The following ABCA12 variants were observed in gnomAD, a reference collection of about 807,000 sequenced individuals.
ABCA12 encodes ATP binding cassette subfamily A member 12, also known as glucosylceramide transporter ABCA12.
A neutral mutation model predicts 293.5 loss-of-function variants in ABCA12; 156 were observed. The observed-to-expected ratio is 0.53, with a 90% CI of 0.47 to 0.61. The LOEUF is 0.61. ABCA12 is among the 20% of genes least tolerant of loss of function. The probability of loss-of-function intolerance (pLI) is 0.00; values close to 1 mark genes in which losing one functional copy is unlikely to be tolerated. For synonymous variants in ABCA12, 1,063 were observed against 1,108.0 expected (o/e 0.96, Z 0.81); for missense variants, 2,797 against 3,090.2 (o/e 0.91, Z 2.25).
At chr2:215,095,130 C>T (rs568495892) in intron 2 of ABCA12, among the ~76,000 whole-genome samples, 3 of 152,224 alleles carry the variant, frequency 2.0e-5, no homozygotes, top group East Asian at 3.9e-4. Flanking sequence ...CAGGAATAGG[C>T]CTTGACTTAC....
intron 15 of ABCA12, among the ~76,000 whole-genome samples, chr2:215,014,160 G>T (rs1700438431): frequency 7.3e-6 from 1 of 136,144 alleles, no homozygotes; most frequent in Admixed American, 7.9e-5. Flanking sequence ...CAGTCTGGGT[G>T]GCAGAGAAAG....
chr2:214,957,729 A>G lies in ABCA12; in HGVS notation c.6117+548T>C, dbSNP rs968231726. On this transcript the variant is annotated intron_variant, in intron 41 of 52. Coordinates refer to ENST00000272895, the MANE Select transcript of ABCA12 (RefSeq NM_173076.3). The stretch of plus-strand genomic sequence containing the variant: ...TCCAGAACAACCATCTGAACTTGGG[A>G]CCATTTTATGCAAATGAGAGAGCTA... 4.6e-5 allele frequency among the ~76,000 whole-genome samples: 7 copies of G among 152,322 alleles called. No individual in the cohort carries two copies. The East Asian group carries it at 1.2e-3, about 25-fold the overall frequency.
In ABCA12 at chr2:215,064,693, G is replaced by GCACA. The variant is rs10541959; in HGVS notation, c.164-478_164-475dup. On this transcript the variant is annotated intron_variant, in intron 2 of 52. Coordinates refer to ENST00000272895, the MANE Select transcript of ABCA12 (RefSeq NM_173076.3). ...GAAGAGTCCTAATCTTTTAATACAC[G>GCACA]CACACACACACACACACACACACAC... Among the ~76,000 whole-genome samples the GCACA allele has an allele frequency of 3.6e-3, 502 of 139,994 alleles. 5 individuals carry two copies. Among genetic ancestry groups the GCACA allele is most frequent in the South Asian group, 0.029 (126 of 4,416 alleles). The allele number at this position is 139,994 out of a possible 152,430, so 91.8% of individuals were successfully genotyped here.
chr2:214,940,717 A>G (rs888415796), intron 50 of ABCA12, among the ~76,000 whole-genome samples: 2 of 151,970 alleles, frequency 1.3e-5, no homozygotes, highest in African/African-American at 4.8e-5. Flanking sequence ...GTGTTCAGGA[A>G]TTTATCCATC....
At chr2:214,988,468 C>T (rs1178856651) in intron 26 of ABCA12, among the ~76,000 whole-genome samples, 1 of 152,208 alleles carries the variant, frequency 6.6e-6, no homozygotes, top group Non-Finnish European at 1.5e-5. Context: ...CCTTCTGTCT[C>T]TATCTGTCTT....
intron 42 of ABCA12, 65 bp downstream of exon 42, chr2:214,956,598 C>G (rs1698955740): frequency 6.0e-6 from 7 of 1,171,552 alleles, no homozygotes; most frequent in South Asian, 1.3e-5. Context: ...AGATTTAAGT[C>G]CTATTTGTGT....
Position 214,945,040 on chromosome 2 carries a change from T to C in ABCA12, c.7304A>G (p.Glu2435Gly). 6.2e-7 allele frequency: 1 copy of C among 1,613,840 alleles called. No homozygotes were observed. The highest frequency in any genetic ancestry group is 1.1e-5 in the South Asian group (1 of 91,062). ...KRHLWKIISE[E>G]VQNKCSVILT... ...GATGACGGAACATTTGTTCTGTACTTCTTCTGAAATGATCTTCCAGAGGTG... is the reference window on the plus strand; with the variant it reads ...GATGACGGAACATTTGTTCTGTACTCCTTCTGAAATGATCTTCCAGAGGTG... The change falls in exon 49 of 53, where the codon GAA (glutamate) becomes GGA (glycine). Residue 2435 changes from glutamate (E) to glycine (G), a missense_variant. Glu to Gly is a moderately conservative substitution (Grantham distance 98). This residue lies in a region of ABCA12 where 2,130 missense variants were observed against 2,427.0 expected (regional missense o/e 0.88). Transcript: ENST00000272895.
chr2:214,984,094 C>CTTTTTTT lies in ABCA12; in HGVS notation c.4164-236_4164-230dup, dbSNP rs397987755. On this transcript the variant is annotated intron_variant, in intron 28 of 52. Coordinates refer to ENST00000272895, the MANE Select transcript of ABCA12 (RefSeq NM_173076.3). ...ATGATGATGACAAAAACGATCAGGC[C>CTTTTTTT]TTTTTTTTTTTTTTTTTTTTGAGAC... Among the ~76,000 whole-genome samples the CTTTTTTT allele has an allele frequency of 5.7e-3, 532 of 92,912 alleles. 27 individuals carry two copies. The highest frequency in any genetic ancestry group is 5.9e-3 in the Non-Finnish European group (307 of 52,424). The allele number at this position is 92,912 out of a possible 152,430, so 61.0% of individuals were successfully genotyped here. A position where few individuals can be genotyped will look rare whatever the true frequency, so the allele number is the denominator to read the frequency against.
intron 8 of ABCA12, among the ~76,000 whole-genome samples, chr2:215,034,153 G>A (rs981430141): frequency 2.6e-5 from 4 of 152,022 alleles, no homozygotes; most frequent in East Asian, 3.9e-4. Context: ...CATAATCTCT[G>A]CTCCCAAAAC....
chr2:214,960,692 C>T (rs978394739), intron 39 of ABCA12: 1 of 152,088 alleles, frequency 6.6e-6, no homozygotes, highest in Non-Finnish European at 1.5e-5. Flanking sequence ...GATGTCTCTA[C>T]AGTTATAAAC....
At chr2:215,103,263 CTTTCTTTT>C (rs1350375928) in intron 2 of ABCA12, among the ~76,000 whole-genome samples, 7 of 81,376 alleles carry the variant, frequency 8.6e-5, no homozygotes, top group African/African-American at 2.2e-4. Flanking sequence ...CTTAAAATTT[CTTTCTTTT>C]TTTTTTTTTT....
chr2:214,935,807 T>A (rs9677940), intron 51 of ABCA12, among the ~76,000 whole-genome samples: 36 of 152,036 alleles, frequency 2.4e-4, no homozygotes, highest in African/African-American at 7.0e-4. Context: ...TTAAAAAAAA[T>A]TTTTTTTAAG....
chr2:215,025,809 T>C lies in ABCA12; in HGVS notation c.1181-30A>G, dbSNP rs202139132. Reference sequence around the variant, plus strand: ...AAAGGAAGGGAGAAGAGTTACTTTATGTGAATTGCAAGGTCATTTAGGAAA... The same window carrying C: ...AAAGGAAGGGAGAAGAGTTACTTTACGTGAATTGCAAGGTCATTTAGGAAA... On this transcript the variant is annotated intron_variant, in intron 10 of 52. Transcript: ENST00000272895. 1.7e-5 allele frequency: 26 copies of C among 1,491,520 alleles called. No individual in the cohort carries two copies. In the East Asian group the frequency reaches 5.2e-4, roughly 30 times the overall value. 92.4% of individuals were successfully genotyped at this position (1,491,520 alleles called of 1,614,324 possible). A position where few individuals can be genotyped will look rare whatever the true frequency, so the allele number is the denominator to read the frequency against.
chr2:215,001,374 C>T (rs1700142511), intron 21 of ABCA12, among the ~76,000 whole-genome samples, 184 bp downstream of exon 21: 1 of 152,156 alleles, frequency 6.6e-6, no homozygotes, highest in Non-Finnish European at 1.5e-5. Flanking sequence ...AGTACACCAA[C>T]AAAATTAGAC....
chr2:215,070,759 T>C (rs1302187285), intron 2 of ABCA12, among the ~76,000 whole-genome samples: 1 of 152,124 alleles, frequency 6.6e-6, no homozygotes, highest in African/African-American at 2.4e-5. Context: ...TATGTGAATC[T>C]GGTTTACAAG....
intron 29 of ABCA12, among the ~76,000 whole-genome samples, chr2:214,983,430 C>A (rs550722834): frequency 3.0e-4 from 45 of 152,046 alleles, no homozygotes; most frequent in African/African-American, 9.9e-4. Flanking sequence ...AATATGGGAG[C>A]CACAGATGAA....
intron 36 of ABCA12, among the ~76,000 whole-genome samples, chr2:214,971,768 A>G (rs1699391003): frequency 6.6e-6 from 1 of 152,186 alleles, no homozygotes; most frequent in Non-Finnish European, 1.5e-5. Flanking sequence ...TGATGGGTAT[A>G]TAGTAAGAGT....
chr2:214,937,223 G>C (rs1425061473), intron 51 of ABCA12, among the ~76,000 whole-genome samples: 2 of 152,160 alleles, frequency 1.3e-5, no homozygotes, highest in Non-Finnish European at 2.9e-5. Context: ...TTTTTAGACA[G>C]AGTCTCGCTT....
At chr2:215,116,109 G>C (rs973437162) in intron 1 of ABCA12, among the ~76,000 whole-genome samples, 2 of 152,170 alleles carry the variant, frequency 1.3e-5, no homozygotes, top group African/African-American at 2.4e-5. Flanking sequence ...TGAGCAAAAT[G>C]GGCATAAACT....
Sources: gnomAD v4.1 joint callset for allele counts (sites outside exome capture counted in the v4.1 genomes callset) on GRCh38, gnomAD v4.1.1 for gene constraint, gnomAD v4.1.1 regional missense constraint, MANE v1.5 for transcripts, NCBI Gene and HGNC (gene_info 2026-07-23, HGNC 2026-07-21) for gene names.